GALNTL6: variants seen among roughly 807,000 people sequenced by gnomAD.
GALNTL6 encodes the protein polypeptide N-acetylgalactosaminyltransferase-like 6.
In GALNTL6, 46 loss-of-function variants were observed where a neutral mutation model predicts 73.7. The ratio of observed to expected loss-of-function variants is 0.62; its 90% confidence interval spans 0.49 to 0.80. The LOEUF (loss-of-function observed/expected upper bound fraction) is 0.80. Ranked by LOEUF, GALNTL6 falls within the 30% of genes least tolerant of loss-of-function variation. The pLI, the probability that GALNTL6 is intolerant of heterozygous loss-of-function variation, is 0.00. For synonymous variants in GALNTL6, 259 were observed against 263.7 expected (o/e 0.98, Z 0.17); for missense variants, 604 against 755.0 (o/e 0.80, Z 2.34).
intron 5 of GALNTL6, among the ~76,000 whole-genome samples, chr4:172,742,010 CAT>C (rs1437436536): frequency 6.6e-6 from 1 of 151,572 alleles, no homozygotes; most frequent in African/African-American, 2.4e-5. Context: ...TAAGAAAAAA[CAT>C]ATACTACACT....
At chr4:172,539,408 T>C (rs1344626259) in intron 5 of GALNTL6, among the ~76,000 whole-genome samples, 1 of 152,226 alleles carries the variant, frequency 6.6e-6, no homozygotes, top group East Asian at 1.9e-4. Context: ...TTCAACTTTC[T>C]GTTTCTCATC....
rs554234508 is a variant in GALNTL6, at chr4:172,330,249, C to G, written c.387-18274C>G. ...ACCTGTGCCTGAGCGGCCACTAAGCCAAGACTCCATGTAGCTCTGGGTGTC... is the reference window on the plus strand; with the variant it reads ...ACCTGTGCCTGAGCGGCCACTAAGCGAAGACTCCATGTAGCTCTGGGTGTC... On this transcript the variant is annotated intron_variant, in intron 4 of 12. Transcript: ENST00000506823. Among the ~76,000 whole-genome samples the G allele has an allele frequency of 2.0e-5, 3 of 152,308 alleles. No homozygotes were observed. In the South Asian group the frequency reaches 6.2e-4, roughly 32 times the overall value.
chr4:171,977,341 T>A (rs1416643937), intron 2 of GALNTL6, among the ~76,000 whole-genome samples: 1 of 152,294 alleles, frequency 6.6e-6, no homozygotes, highest in South Asian at 2.1e-4. Context: ...AGTATATTAG[T>A]TTTCTAGGAC....
At chr4:172,267,964 C>T (rs749028550) in intron 3 of GALNTL6, among the ~76,000 whole-genome samples, 24 of 152,272 alleles carry the variant, frequency 1.6e-4, no homozygotes, top group Non-Finnish European at 2.5e-4. Context: ...CTGACACCAA[C>T]ATATGCAGTT....
intron 4 of GALNTL6, among the ~76,000 whole-genome samples, chr4:172,339,440 T>C (rs1461896884): frequency 6.6e-6 from 1 of 152,118 alleles, no homozygotes; most frequent in African/African-American, 2.4e-5. Context: ...CCTGGGGCAC[T>C]TTCTACATTT....
chr4:172,630,544 A>G (rs932310874), intron 5 of GALNTL6, among the ~76,000 whole-genome samples: 15 of 152,000 alleles, frequency 9.9e-5, no homozygotes, highest in Admixed American at 6.5e-4. Flanking sequence ...CAAGAGTTCT[A>G]TCTCTGAGCC....
intron 5 of GALNTL6, among the ~76,000 whole-genome samples, chr4:172,408,308 T>C (rs1744308097): frequency 6.6e-6 from 1 of 152,072 alleles, no homozygotes; most frequent in Non-Finnish European, 1.5e-5. Flanking sequence ...GCTTAATTTG[T>C]TATTTTTATA....
intron 7 of GALNTL6, among the ~76,000 whole-genome samples, chr4:172,872,082 T>G (rs1278563227): frequency 6.6e-6 from 1 of 152,210 alleles, no homozygotes; most frequent in Non-Finnish European, 1.5e-5. Context: ...CGTGAGCCAC[T>G]GTGCCCAGCA....
intron 2 of GALNTL6, among the ~76,000 whole-genome samples, chr4:172,133,427 A>G (rs79941665): frequency 4.7e-4 from 72 of 152,370 alleles, no homozygotes; most frequent in African/African-American, 1.5e-3. Flanking sequence ...ATTCATTTCA[A>G]CATATTTATT....
chr4:172,706,546 G>T (rs1734366291), intron 5 of GALNTL6, among the ~76,000 whole-genome samples: 1 of 152,024 alleles, frequency 6.6e-6, no homozygotes. Flanking sequence ...ACTTAAGGGA[G>T]AATTATTTAT....
At chr4:172,471,908 T>C (rs1733065893) in intron 5 of GALNTL6, among the ~76,000 whole-genome samples, 2 of 152,222 alleles carry the variant, frequency 1.3e-5, no homozygotes, top group Non-Finnish European at 2.9e-5. Context: ...ATCACTCATT[T>C]ACTTAGCCAA....
intron 8 of GALNTL6, among the ~76,000 whole-genome samples, chr4:172,900,372 A>G (rs1232578060): frequency 1.3e-5 from 2 of 152,276 alleles, no homozygotes; most frequent in Non-Finnish European, 2.9e-5. Flanking sequence ...GAAACATGAA[A>G]TTTTCTGACA....
intron 7 of GALNTL6, among the ~76,000 whole-genome samples, chr4:172,841,813 C>T (rs1743227928): frequency 6.6e-6 from 1 of 152,214 alleles, no homozygotes; most frequent in African/African-American, 2.4e-5. Context: ...GGACACAAAG[C>T]CTGATCGTAT....
intron 5 of GALNTL6, among the ~76,000 whole-genome samples, chr4:172,712,444 C>T (rs1162038888): frequency 6.6e-6 from 1 of 152,058 alleles, no homozygotes; most frequent in African/African-American, 2.4e-5. Flanking sequence ...CCTCCCCACT[C>T]CCCCCACCTC....
chr4:173,021,553 C>G lies in GALNTL6; in HGVS notation c.1566C>G (p.Ile522Met). 1.2e-6 allele frequency: 2 copies of G among 1,614,120 alleles called. No homozygotes were observed. Among genetic ancestry groups the G allele is most frequent in the Non-Finnish European group, 1.7e-6 (2 of 1,179,968 alleles). Residue 522 changes from isoleucine (I) to methionine (M), a missense_variant, in exon 12 of 13, where the codon ATC becomes ATG. Transcript: ENST00000506823. Reference sequence around the variant, plus strand: ...CCCGGAAATTCTGCTTTGATGCGATCTCACACAACAGCCCCGTTACACTCT... The same window carrying G: ...CCCGGAAATTCTGCTTTGATGCGATGTCACACAACAGCCCCGTTACACTCT... ...LHTRKFCFDAISHNSPVTLYD... is the reference protein window; with the variant it reads ...LHTRKFCFDAMSHNSPVTLYD...
In GALNTL6 at chr4:172,882,627, G is replaced by C. The variant is rs369678452; in HGVS notation, c.924-163G>C. ...TCCCCATCCATGTCCACTTCAGTGAGAGACCCAATGAGAACCCTATATCCA... is the reference window on the plus strand; with the variant it reads ...TCCCCATCCATGTCCACTTCAGTGACAGACCCAATGAGAACCCTATATCCA... On this transcript the variant is annotated intron_variant, in intron 7 of 12. Transcript: ENST00000506823. Among the ~76,000 whole-genome samples the C allele has an allele frequency of 5.9e-5, 9 of 152,294 alleles. No individual in the cohort carries two copies. The South Asian group carries it at 1.9e-3, about 32-fold the overall frequency.
intron 8 of GALNTL6, among the ~76,000 whole-genome samples, chr4:172,917,743 GA>G (rs1459048916): frequency 3.3e-5 from 5 of 152,180 alleles, no homozygotes; most frequent in African/African-American, 1.2e-4. Context: ...AAAAAGTCAG[GA>G]AACAACAGGT....
At chr4:172,666,775 TGTTA>T (rs940841219) in intron 5 of GALNTL6, 2 of 152,166 alleles carry the variant, frequency 1.3e-5, no homozygotes, top group Non-Finnish European at 2.9e-5. Flanking sequence ...CCTCTCTGTT[TGTTA>T]TTTAGGATGA....
chr4:171,829,700 A>G (rs185665913), intron 2 of GALNTL6, among the ~76,000 whole-genome samples: 25 of 152,168 alleles, frequency 1.6e-4, no homozygotes, highest in Admixed American at 9.8e-4. Flanking sequence ...TTCTGCCCTT[A>G]TAACGGTACT....
Sources: gnomAD v4.1 joint callset for allele counts (sites outside exome capture counted in the v4.1 genomes callset) on GRCh38, gnomAD v4.1.1 for gene constraint, MANE v1.5 for transcripts, NCBI Gene and HGNC (gene_info 2026-07-23, HGNC 2026-07-21) for gene names.